The following FOXK1 variants were observed in gnomAD, a reference collection of about 807,000 sequenced individuals.
FOXK1 encodes the protein forkhead box protein K1.
FOXK1 carries 19 observed loss-of-function variants against 51.9 expected under a neutral mutation model. The observed-to-expected ratio is 0.37, with a 90% CI of 0.26 to 0.54. The LOEUF is 0.54. Among genes scored for constraint, FOXK1 ranks in the 20% least tolerant of loss-of-function variants. The pLI is 0.87. For missense variants in FOXK1, 870 were observed against 1,032.7 expected (o/e 0.84, Z 2.16); for synonymous variants, 537 against 482.6 (o/e 1.11, Z -1.48).
At chr7:4,760,937 C>G in intron 7 of FOXK1, 127 bp from the exon 8 acceptor site, 1 of 811,080 alleles carries the variant, frequency 1.2e-6, no homozygotes, top group Non-Finnish European at 2.1e-6. Context: ...GGATTTTCCT[C>G]TAGCAAACCT....
intron 1 of FOXK1, among the ~76,000 whole-genome samples, chr7:4,697,436 A>C (rs1038594477): frequency 5.3e-5 from 8 of 152,128 alleles, no homozygotes; most frequent in African/African-American, 1.4e-4. Flanking sequence ...TTTTATTGGA[A>C]CACACCAGGC....
intron 1 of FOXK1, among the ~76,000 whole-genome samples, chr7:4,706,806 C>G (rs1043996243): frequency 1.3e-5 from 2 of 152,200 alleles, no homozygotes; most frequent in Admixed American, 1.3e-4. Context: ...TCGCTGACCC[C>G]GGAGTTGGGC....
chr7:4,713,736 CG>C lies in FOXK1; in HGVS notation c.561-27101del, dbSNP rs556846923. Among the ~76,000 whole-genome samples, 68 of 152,102 alleles carry C rather than the reference CG, an allele frequency of 4.5e-4. 1 individual carries two copies. The highest frequency in any genetic ancestry group is 1.5e-3 in the African/African-American group (64 of 41,502). ...CCGACTCCTGACCTCGTGATCTGCCCGCCTTGGCCGCTCAAAGTGTTGGGAT... is the reference window on the plus strand; with the variant it reads ...CCGACTCCTGACCTCGTGATCTGCCCCCTTGGCCGCTCAAAGTGTTGGGAT... On this transcript the variant is annotated intron_variant, in intron 1 of 8. Coordinates refer to ENST00000328914, the MANE Select transcript of FOXK1 (RefSeq NM_001037165.2).
intron 1 of FOXK1, among the ~76,000 whole-genome samples, chr7:4,702,340 T>A (rs554718999): frequency 9.2e-4 from 140 of 152,094 alleles, no homozygotes; most frequent in East Asian, 1.4e-3. Flanking sequence ...TGTGGGGTTT[T>A]TTTATTTATT....
chr7:4,759,769 G>A, intron 7 of FOXK1, 174 bp downstream of exon 7: 1 of 823,596 alleles, frequency 1.2e-6, no homozygotes. Context: ...GGTGGCTCAT[G>A]CTTATAATCC....
Position 4,731,586 on chromosome 7 carries a change from C to A in FOXK1, c.561-9252C>A, listed in dbSNP as rs1267390353. Among the ~76,000 whole-genome samples the A allele has an allele frequency of 6.6e-6, 1 of 151,936 alleles. No homozygotes were observed. The highest frequency in any genetic ancestry group is 1.5e-5 in the Non-Finnish European group (1 of 67,964). On this transcript the variant is annotated intron_variant, in intron 1 of 8. Coordinates refer to ENST00000328914, the MANE Select transcript of FOXK1 (RefSeq NM_001037165.2). This position sits in a 1 kb window ranked among gnomAD's most constrained non-coding sequence, Gnocchi z 5.3. ...ACCAGCCTGGCCAACATGGTGAAAC[C>A]CCATCTCTACTAAAAATACAAAAAT...
chr7:4,697,899 A>C (rs1779974040), intron 1 of FOXK1, among the ~76,000 whole-genome samples: 1 of 151,756 alleles, frequency 6.6e-6, no homozygotes, highest in African/African-American at 2.4e-5. Flanking sequence ...ATCTCAGCTC[A>C]CTGTAACCTC....
chr7:4,721,125 T>C (rs1433845905), intron 1 of FOXK1, among the ~76,000 whole-genome samples: 1 of 152,198 alleles, frequency 6.6e-6, no homozygotes, highest in Non-Finnish European at 1.5e-5. Context: ...GTAAGTGCTT[T>C]CCCGAGTCAG....
intron 1 of FOXK1, among the ~76,000 whole-genome samples, chr7:4,740,206 G>A (rs984847026): frequency 3.9e-5 from 6 of 151,994 alleles, no homozygotes; most frequent in Non-Finnish European, 7.4e-5. Context: ...CAAGGCAGGC[G>A]GATTACGAGG....
rs1210827313 is a variant in FOXK1, at chr7:4,707,210, G to A, written c.560+24342G>A. Among the ~76,000 whole-genome samples, 1 of 152,162 alleles carries A rather than the reference G, an allele frequency of 6.6e-6. No individual in the cohort carries two copies. Among genetic ancestry groups the A allele is most frequent in the Non-Finnish European group, 1.5e-5 (1 of 68,030 alleles). On this transcript the variant is annotated intron_variant, in intron 1 of 8. Coordinates refer to ENST00000328914, the MANE Select transcript of FOXK1 (RefSeq NM_001037165.2). This position sits in a 1 kb window ranked among gnomAD's most constrained non-coding sequence, Gnocchi z 4.1. ...CAGACATTGCCCAAACACTAACGGA[G>A]AGGGAAGAGGTGCGGGGAGCTCAGG... is the stretch of plus-strand genomic sequence containing the variant.
At chr7:4,736,417 T>TG (rs1780552939) in intron 1 of FOXK1, among the ~76,000 whole-genome samples, 1 of 151,324 alleles carries the variant, frequency 6.6e-6, no homozygotes, top group Non-Finnish European at 1.5e-5. Flanking sequence ...CAGTTTTGTT[T>TG]TTTTTTTTTT....
intron 2 of FOXK1, among the ~76,000 whole-genome samples, chr7:4,742,477 C>T (rs568347221): frequency 2.6e-5 from 4 of 152,256 alleles, no homozygotes; most frequent in South Asian, 2.1e-4. Flanking sequence ...AGTGCAGTGG[C>T]GCAATCATAG....
chr7:4,732,824 C>T (rs974948570), intron 1 of FOXK1, among the ~76,000 whole-genome samples: 1 of 152,232 alleles, frequency 6.6e-6, no homozygotes, highest in Non-Finnish European at 1.5e-5. Context: ...CATCCGGAGC[C>T]GCGGGTCTGC....
In FOXK1 at chr7:4,761,266, C is replaced by G; in HGVS notation, c.1899C>G (p.Asn633Lys). 1 of 1,612,832 alleles carries G rather than the reference C, an allele frequency of 6.2e-7. No individual in the cohort carries two copies. The highest frequency in any genetic ancestry group is 8.5e-7 in the Non-Finnish European group (1 of 1,180,024). The stretch of plus-strand genomic sequence containing the variant: ...ACGGAAAGCATGCGGTTCCCACGAA[C>G]AGTTTAGCCGGCAACGCTTACGGTG... ...TQNGKHAVPTNSLAGNAYALT... is the reference protein window; with the variant it reads ...TQNGKHAVPTKSLAGNAYALT... Residue 633 changes from asparagine to lysine, a missense_variant, in exon 8 of 9, where the codon AAC (asparagine) becomes AAG (lysine). Physicochemically the swap from Asn to Lys is moderately conservative, Grantham distance 94. This residue lies in a region of FOXK1 where 457 missense variants were observed against 510.8 expected (regional missense o/e 0.89). Transcript: ENST00000328914. This position sits in a 1 kb window ranked among gnomAD's most constrained non-coding sequence, Gnocchi z 6.2.
intron 1 of FOXK1, among the ~76,000 whole-genome samples, chr7:4,686,455 C>G (rs1779820231): frequency 6.6e-6 from 1 of 152,120 alleles, no homozygotes; most frequent in Non-Finnish European, 1.5e-5. Context: ...GACTTGTGAC[C>G]CAGCTTAGAG....
chr7:4,691,463 T>C (rs1198495363), intron 1 of FOXK1, among the ~76,000 whole-genome samples: 1 of 152,094 alleles, frequency 6.6e-6, no homozygotes, highest in Non-Finnish European at 1.5e-5. Context: ...GCCTCCCGAG[T>C]AGCTGGAGTT....
At chr7:4,699,885 T>A (rs926210127) in intron 1 of FOXK1, among the ~76,000 whole-genome samples, 20 of 152,220 alleles carry the variant, frequency 1.3e-4, no homozygotes, top group African/African-American at 4.8e-4. Context: ...GTGCAGATAA[T>A]ACTTCTTCTC....
At chr7:4,694,485 A>G (rs569976030) in intron 1 of FOXK1, among the ~76,000 whole-genome samples, 54 of 152,226 alleles carry the variant, frequency 3.5e-4, no homozygotes, top group Non-Finnish European at 5.6e-4. Context: ...GCTTCTTGTG[A>G]TTTGTATCAC....
chr7:4,761,187 C>T lies in FOXK1; in HGVS notation c.1820C>T (p.Ala607Val), dbSNP rs921047378. Residue 607 changes from alanine to valine, a missense_variant, in exon 8 of 9, where the codon GCC becomes GTC. Physicochemically the swap from Ala to Val is moderately conservative, Grantham distance 64. This residue lies in a region of FOXK1 where 457 missense variants were observed against 510.8 expected (regional missense o/e 0.89). Coordinates refer to ENST00000328914, the MANE Select transcript of FOXK1 (RefSeq NM_001037165.2). The surrounding 1 kb of genome is among the most constrained non-coding windows in gnomAD (Gnocchi z 6.2). ...PGHTVTILQP[A>V]TPVTLGQHHL... ...CACACGGTCACCATCCTGCAGCCCGCCACACCCGTGACCCTCGGGCAGCAC... is the reference window on the plus strand; with the variant it reads ...CACACGGTCACCATCCTGCAGCCCGTCACACCCGTGACCCTCGGGCAGCAC... The T allele has an allele frequency of 6.2e-7, 1 of 1,613,016 alleles. No homozygotes were observed.
Sources: allele counts gnomAD v4.1 joint callset (sites outside exome capture counted in the v4.1 genomes callset), GRCh38; gene constraint gnomAD v4.1.1; regional missense constraint gnomAD v4.1.1; non-coding constraint Gnocchi (gnomAD v3.1); transcripts MANE v1.5; gene names NCBI Gene and HGNC (gene_info 2026-07-23, HGNC 2026-07-21).